Variants in LAMA3 observed in about 807,000 individuals in gnomAD.
The protein encoded by LAMA3 is laminin subunit alpha 3, also known as laminin subunit alpha-3.
In LAMA3, 281 loss-of-function variants were observed where a neutral mutation model predicts 402.0. The ratio of observed to expected loss-of-function variants is 0.70; its 90% CI spans 0.63 to 0.77. The LOEUF (loss-of-function observed/expected upper bound fraction) is 0.77, where lower values mean the gene tolerates loss of function less well. LAMA3 is among the 30% of genes least tolerant of loss of function. The pLI is 0.00. For missense variants in LAMA3, 3,840 were observed against 4,215.5 expected (o/e 0.91, Z 2.47); for synonymous variants, 1,431 against 1,558.4 (o/e 0.92, Z 1.93).
chr18:23,806,512 C>T (rs2062965192), intron 12 of LAMA3, among the ~76,000 whole-genome samples: 1 of 151,978 alleles, frequency 6.6e-6, no homozygotes, highest in Non-Finnish European at 1.5e-5. Flanking sequence ...ACAGTTTTCT[C>T]GGGCAAAGCA....
chr18:23,701,474 G>T (rs1424194085), intron 1 of LAMA3, among the ~76,000 whole-genome samples: 1 of 152,216 alleles, frequency 6.6e-6, no homozygotes, highest in East Asian at 1.9e-4. Context: ...AGTGACACAG[G>T]TATCAGTCTG....
chr18:23,914,474 G>C lies in LAMA3; in HGVS notation c.7394G>C (p.Gly2465Ala). 6.2e-7 allele frequency: 1 copy of C among 1,614,062 alleles called. No individual in the cohort carries two copies. The highest frequency in any genetic ancestry group is 8.5e-7 in the Non-Finnish European group (1 of 1,179,984). Residue 2465 changes from glycine (G) to alanine (A), a missense_variant, in exon 57 of 75, where the codon GGG (glycine) becomes GCG (alanine). Physicochemically the swap from Gly to Ala is moderately conservative, Grantham distance 60. Around this residue, in one of 3 missense-constraint regions of LAMA3, gnomAD observed 891 missense variants for 857.5 expected, o/e 1.04. Coordinates refer to ENST00000313654, the MANE Select transcript of LAMA3 (RefSeq NM_198129.4). ...CAGCTCACCTGTGTCTACAACCTGG[G>C]GGACCGTGAGGCTGAACTCCAAGTG... Reference protein sequence around the residue: ...DGQLTCVYNLGDREAELQVDQ... With the variant: ...DGQLTCVYNLADREAELQVDQ...
chr18:23,904,731 G>A (rs375309329), intron 51 of LAMA3, 37 bp downstream of exon 51: 5 of 1,608,238 alleles, frequency 3.1e-6, no homozygotes, highest in East Asian at 2.2e-5. Context: ...CACATTCGCT[G>A]TGGAGATGGC....
chr18:23,858,179 G>C (rs144216611), intron 33 of LAMA3, among the ~76,000 whole-genome samples, 191 bp downstream of exon 33: 1 of 152,258 alleles, frequency 6.6e-6, no homozygotes, highest in African/African-American at 2.4e-5. Flanking sequence ...TTTATCTTTT[G>C]GAGAGGTCTC....
At chr18:23,841,814 T>A (rs1201820959) in intron 27 of LAMA3, among the ~76,000 whole-genome samples, 1 of 152,072 alleles carries the variant, frequency 6.6e-6, no homozygotes, top group Non-Finnish European at 1.5e-5. Context: ...CGTAGCTACT[T>A]GGGAGGCTGA....
At chr18:23,902,143 T>A (rs2081092620) in intron 48 of LAMA3, among the ~76,000 whole-genome samples, 1 of 152,202 alleles carries the variant, frequency 6.6e-6, no homozygotes, top group Non-Finnish European at 1.5e-5. Flanking sequence ...GGCAATGTAG[T>A]GAGACCCTGT....
chr18:23,952,589 T>C (rs1424335460), intron 73 of LAMA3, among the ~76,000 whole-genome samples: 1 of 152,230 alleles, frequency 6.6e-6, no homozygotes, highest in Non-Finnish European at 1.5e-5. Context: ...AAGAGCTGTC[T>C]TTGGCATCAG....
At chr18:23,833,731 G>A (rs1264059099) in intron 23 of LAMA3, 97 bp from the exon 24 acceptor site, 3 of 1,329,734 alleles carry the variant, frequency 2.3e-6, no homozygotes, top group Non-Finnish European at 3.2e-6. Flanking sequence ...ATACTTCCAG[G>A]GTGTCTTCTG....
rs1363412150 is a variant in LAMA3, at chr18:23,689,780, G to C, written c.97G>C (p.Gly33Arg). ...LLVLRVLPAC[G>R]ATARDPGAAA... ...GGTACTGCGGGTGCTGCCAGCCTGC[G>C]GGGCGACCGCTCGGGATCCCGGGGC... The change falls in exon 1 of 75, where the codon GGG becomes CGG. Residue 33 changes from glycine to arginine, a missense_variant. By Grantham distance (125) the Gly-to-Arg change is moderately radical (BLOSUM62 -2). Around this residue, in one of 3 missense-constraint regions of LAMA3, gnomAD observed 2,109 missense variants for 2,376.0 expected, o/e 0.89. Coordinates refer to ENST00000313654, the MANE Select transcript of LAMA3 (RefSeq NM_198129.4). 4 of 1,530,630 alleles carry C rather than the reference G, an allele frequency of 2.6e-6. No homozygotes were observed. In the Admixed American group the frequency reaches 6.0e-5, roughly 23 times the overall value. The allele number at this position is 1,530,630 out of a possible 1,614,324, so 94.8% of individuals were successfully genotyped here. A position where few individuals can be genotyped will look rare whatever the true frequency, so the allele number is the denominator to read the frequency against.
chr18:23,954,738 T>G lies in LAMA3; in HGVS notation c.*90T>G. On this transcript the variant is annotated 3_prime_UTR_variant, in exon 75 of 75. Coordinates refer to ENST00000313654, the MANE Select transcript of LAMA3 (RefSeq NM_198129.4). ...TCCCCAGCTCGAGATCATTCTTCAC[T>G]CAGGACACAAACCAGACAGGTTTAA... The G allele has an allele frequency of 7.4e-7, 1 of 1,353,148 alleles. No individual in the cohort carries two copies. The highest frequency in any genetic ancestry group is 1.1e-6 in the Non-Finnish European group (1 of 945,086). 83.8% of individuals were successfully genotyped at this position (1,353,148 alleles called of 1,614,324 possible).
At chr18:23,946,312 C>G in intron 70 of LAMA3, 28 bp downstream of exon 70, 1 of 1,608,894 alleles carries the variant, frequency 6.2e-7, no homozygotes, top group Non-Finnish European at 8.5e-7. Context: ...GAGCCATGGA[C>G]AGAAACAATT....
chr18:23,742,976 G>A (rs1408850659), intron 2 of LAMA3, among the ~76,000 whole-genome samples: 1 of 152,150 alleles, frequency 6.6e-6, no homozygotes, highest in Non-Finnish European at 1.5e-5. Context: ...TACTTGCACA[G>A]TATTTTGCAC....
intron 9 of LAMA3, 22 bp downstream of exon 9, chr18:23,773,609 TG>T (rs2062249898): frequency 6.7e-7 from 1 of 1,502,120 alleles, no homozygotes; most frequent in African/African-American, 1.4e-5. Flanking sequence ...TTCAAGTTGG[TG>T]TATCTTAGCC....
intron 14 of LAMA3, among the ~76,000 whole-genome samples, 192 bp downstream of exon 14, chr18:23,813,295 T>G (rs1005609347): frequency 6.6e-6 from 1 of 152,010 alleles, no homozygotes; most frequent in Admixed American, 6.6e-5. Flanking sequence ...AAGAATAAGA[T>G]TTAGTTAAAC....
chr18:23,761,486 A>G (rs369410232), intron 7 of LAMA3, among the ~76,000 whole-genome samples: 2 of 152,266 alleles, frequency 1.3e-5, no homozygotes, highest in African/African-American at 4.8e-5. Context: ...CTATGTAACG[A>G]TGGGCATATT....
In LAMA3 at chr18:23,921,546, C is replaced by A. The variant is rs745387872; in HGVS notation, c.8138C>A (p.Thr2713Lys). The A allele has an allele frequency of 2.5e-6, 4 of 1,613,330 alleles. No homozygotes were observed. The highest frequency in any genetic ancestry group is 3.4e-6 in the Non-Finnish European group (4 of 1,179,524). The part of the protein sequence containing the change: ...IIDGEVFDFS[T>K]YYLGGIPIAI... ...GATGGTGAAGTATTTGATTTCAGCA[C>A]ATATTATCTGGGAGGAATTCCAATT... The change falls in exon 62 of 75, where the codon ACA (threonine) becomes AAA (lysine). Residue 2713 changes from threonine (T) to lysine (K), a missense_variant. Thr to Lys is a moderately conservative substitution (Grantham distance 78). Coordinates refer to ENST00000313654, the MANE Select transcript of LAMA3 (RefSeq NM_198129.4).
intron 2 of LAMA3, among the ~76,000 whole-genome samples, chr18:23,734,651 A>G (rs2061444857): frequency 6.6e-6 from 1 of 152,144 alleles, no homozygotes; most frequent in African/African-American, 2.4e-5. Flanking sequence ...TCCTTTTAGA[A>G]CTCCATGAAC....
chr18:23,879,838 C>G lies in LAMA3; in HGVS notation c.5113-2098C>G, dbSNP rs1286959140. On this transcript the variant is annotated intron_variant, in intron 39 of 74. Transcript: ENST00000313654. The surrounding 1 kb of genome is among the most constrained non-coding windows in gnomAD (Gnocchi z 4.2). ...TGACACTCTTCCTTGATCCTCTCCT[C>G]TCACCCCTGTGAAGGACCAGTACTC... Among the ~76,000 whole-genome samples the G allele has an allele frequency of 1.3e-5, 2 of 152,200 alleles. No homozygotes were observed. Among genetic ancestry groups the G allele is most frequent in the African/African-American group, 4.8e-5 (2 of 41,452 alleles).
At chr18:23,707,490 C>T (rs1385349221) in intron 1 of LAMA3, among the ~76,000 whole-genome samples, 1 of 152,208 alleles carries the variant, frequency 6.6e-6, no homozygotes, top group East Asian at 1.9e-4. Context: ...GGGCAAACAG[C>T]ATCCACCTTT....
Sources: gnomAD v4.1 joint callset for allele counts (sites outside exome capture counted in the v4.1 genomes callset) on GRCh38, gnomAD v4.1.1 for gene constraint, gnomAD v4.1.1 regional missense constraint, Gnocchi (gnomAD v3.1) non-coding constraint, MANE v1.5 for transcripts, NCBI Gene and HGNC (gene_info 2026-07-23, HGNC 2026-07-21) for gene names.